The following NBAS variants were observed in gnomAD, a reference collection of about 807,000 sequenced individuals.
The protein encoded by NBAS is NBAS subunit of NRZ tethering complex.
A neutral mutation model predicts 302.5 loss-of-function variants in NBAS; 219 were observed. The observed-to-expected ratio is 0.72, with a 90% CI of 0.65 to 0.81. NBAS has a LOEUF of 0.81. NBAS is among the 30% of genes least tolerant of loss of function. The pLI is 0.00. For missense variants in NBAS, 2,932 were observed against 2,841.6 expected, an observed-to-expected ratio of 1.03 and a Z score of -0.72; for synonymous variants, 1,118 against 1,021.6, an observed-to-expected ratio of 1.09 and a Z score of -1.80.
chr2:14,980,123 AAT>A, the NBAS span, among the ~76,000 whole-genome samples: 2 of 152,142 alleles, frequency 1.3e-5, no homozygotes, highest in Admixed American at 1.3e-4. Context: ...TGCAGAAGAG[AAT>A]GCTAATGGGA....
At chr2:15,468,232 A>G in intron 17 of NBAS, 150 bp downstream of exon 17, 3 of 863,830 alleles carry the variant, frequency 3.5e-6, no homozygotes, top group Non-Finnish European at 5.5e-6. Flanking sequence ...CCTGATGAGC[A>G]ATGACTTCAG....
the NBAS span, among the ~76,000 whole-genome samples, chr2:14,861,163 T>C: frequency 6.6e-6 from 1 of 152,230 alleles, no homozygotes; most frequent in Non-Finnish European, 1.5e-5. Context: ...TTGAGTTCTA[T>C]GCACTTACAA....
chr2:14,953,995 G>A, the NBAS span, among the ~76,000 whole-genome samples: 1 of 152,154 alleles, frequency 6.6e-6, no homozygotes, highest in Non-Finnish European at 1.5e-5. Context: ...CTGAACCTGA[G>A]TCCACAGTAA....
the NBAS span, among the ~76,000 whole-genome samples, chr2:15,109,861 C>T: frequency 6.6e-6 from 1 of 152,116 alleles, no homozygotes. Context: ...TCAGTCCCTA[C>T]TAAATGTTCA....
chr2:14,811,666 T>C, the NBAS span, among the ~76,000 whole-genome samples: 1 of 151,752 alleles, frequency 6.6e-6, no homozygotes, highest in Non-Finnish European at 1.5e-5. Context: ...TTAAAATATA[T>C]GGGAAAAATG....
At chr2:14,783,312 CT>C in the NBAS span, among the ~76,000 whole-genome samples, 2 of 150,970 alleles carry the variant, frequency 1.3e-5, no homozygotes, top group South Asian at 2.1e-4. Context: ...CCTCCAAATT[CT>C]TTTTTTTATT....
intron 40 of NBAS, 99 bp downstream of exon 40, chr2:15,308,117 A>C (rs766395188): frequency 1.5e-5 from 24 of 1,550,032 alleles, no homozygotes; most frequent in Non-Finnish European, 2.0e-5. Flanking sequence ...TTCTGGATAC[A>C]TATGTAATCA....
chr2:15,114,702 C>T, the NBAS span, among the ~76,000 whole-genome samples: 1 of 152,108 alleles, frequency 6.6e-6, no homozygotes, highest in African/African-American at 2.4e-5. Context: ...GACAGGTGCA[C>T]GTGGAAAGCA....
intron 9 of NBAS, among the ~76,000 whole-genome samples, chr2:15,521,678 C>A (rs1662678709): frequency 6.6e-6 from 1 of 152,154 alleles, no homozygotes; most frequent in Non-Finnish European, 1.5e-5. Flanking sequence ...ACTAATGATA[C>A]AGTTCTAAGA....
At chr2:15,396,151 C>A (rs904740483) in intron 27 of NBAS, among the ~76,000 whole-genome samples, 2 of 152,012 alleles carry the variant, frequency 1.3e-5, no homozygotes, top group Admixed American at 6.5e-5. Context: ...CATAAGAAAA[C>A]CCTAGGCCCA....
intron 48 of NBAS, among the ~76,000 whole-genome samples, chr2:15,191,564 T>TA (rs1420321191): frequency 6.6e-6 from 1 of 152,194 alleles, no homozygotes; most frequent in East Asian, 1.9e-4. Context: ...AGTTTACCCT[T>TA]ACAGCAGTTT....
chr2:14,880,669 C>A, the NBAS span, among the ~76,000 whole-genome samples: 1 of 151,622 alleles, frequency 6.6e-6, no homozygotes, highest in Non-Finnish European at 1.5e-5. Context: ...CAAAAGAAAT[C>A]TGAAAATAAG....
chr2:14,809,263 G>A, the NBAS span, among the ~76,000 whole-genome samples: 1 of 152,304 alleles, frequency 6.6e-6, no homozygotes, highest in African/African-American at 2.4e-5. Flanking sequence ...ATGTTTCCAG[G>A]GCATAACAGA....
At chr2:15,385,787 C>G (rs1373203426) in intron 28 of NBAS, among the ~76,000 whole-genome samples, 1 of 152,100 alleles carries the variant, frequency 6.6e-6, no homozygotes, top group Non-Finnish European at 1.5e-5. Flanking sequence ...AGGTCAACTA[C>G]TGTGAAAACA....
At chr2:15,367,188 A>C (rs183591160) in intron 31 of NBAS, among the ~76,000 whole-genome samples, 9 of 152,294 alleles carry the variant, frequency 5.9e-5, no homozygotes, top group African/African-American at 2.2e-4. Flanking sequence ...CTTCCTCCAA[A>C]CATAAGCCCA....
At chr2:14,816,226 G>T in the NBAS span, among the ~76,000 whole-genome samples, 1 of 152,216 alleles carries the variant, frequency 6.6e-6, no homozygotes, top group East Asian at 1.9e-4. Context: ...CCGGACCACA[G>T]AGCAGGAGGT....
chr2:15,009,298 T>C, the NBAS span, among the ~76,000 whole-genome samples: 1 of 152,104 alleles, frequency 6.6e-6, no homozygotes, highest in African/African-American at 2.4e-5. Flanking sequence ...GACTCACTCA[T>C]ACACTGACAA....
the NBAS span, among the ~76,000 whole-genome samples, chr2:15,092,883 C>T: frequency 2.6e-5 from 4 of 152,186 alleles, no homozygotes; most frequent in African/African-American, 4.8e-5. Flanking sequence ...ACCGCTGATC[C>T]TTCTGGTGGT....
At chr2:14,819,727 C>G in the NBAS span, among the ~76,000 whole-genome samples, 3 of 152,096 alleles carry the variant, frequency 2.0e-5, no homozygotes, top group African/African-American at 7.2e-5. Context: ...GGAGAGGCAA[C>G]CCACAGAATG....
Sources: allele counts gnomAD v4.1 joint callset (sites outside exome capture counted in the v4.1 genomes callset), GRCh38; gene constraint gnomAD v4.1.1; transcripts MANE v1.5; gene names NCBI Gene and HGNC (gene_info 2026-07-23, HGNC 2026-07-21).